The following ZC3H13 variants were observed in gnomAD, a reference collection of about 807,000 sequenced individuals.
ZC3H13 encodes the protein zinc finger CCCH domain-containing protein 13.
ZC3H13 carries 64 observed loss-of-function variants against 204.1 expected under a neutral mutation model. That is an observed-to-expected ratio of 0.31 (90% CI 0.26 to 0.39). The LOEUF (loss-of-function observed/expected upper bound fraction) is 0.39, where lower values mean the gene tolerates loss of function less well. ZC3H13 is among the 10% of genes least tolerant of loss of function. ZC3H13 has a pLI of 1.00. For synonymous variants in ZC3H13, 667 were observed against 693.7 expected (o/e 0.96, Z 0.60); for missense variants, 1,833 against 2,082.7 (o/e 0.88, Z 2.33).
chr13:45,988,300 G>A (rs769937139), intron 9 of ZC3H13, among the ~76,000 whole-genome samples: 11 of 151,972 alleles, frequency 7.2e-5, no homozygotes, highest in Non-Finnish European at 1.0e-4. Context: ...CACTGTTGCC[G>A]AGGCTGGAGT....
intron 7 of ZC3H13, among the ~76,000 whole-genome samples, chr13:46,009,923 A>G (rs1443468686): frequency 2.0e-5 from 3 of 152,288 alleles, no homozygotes; most frequent in East Asian, 1.9e-4. Context: ...AACTAAGGTT[A>G]TATGTATCAA....
chr13:45,972,730 C>G (rs1952688112), intron 12 of ZC3H13, among the ~76,000 whole-genome samples: 1 of 152,184 alleles, frequency 6.6e-6, no homozygotes, highest in African/African-American at 2.4e-5. Context: ...CCTCTCCCAT[C>G]AATAACTGGC....
chr13:45,993,735 T>C (rs1002185301), intron 8 of ZC3H13, among the ~76,000 whole-genome samples: 7 of 152,240 alleles, frequency 4.6e-5, no homozygotes, highest in Non-Finnish European at 7.3e-5. Context: ...TAGCTTGCTA[T>C]TCTTTTGCAG....
chr13:45,997,721 G>A (rs1417646112), intron 8 of ZC3H13, among the ~76,000 whole-genome samples: 1 of 152,016 alleles, frequency 6.6e-6, no homozygotes, highest in African/African-American at 2.4e-5. Context: ...TATGCCATGT[G>A]TATGCACACC....
intron 8 of ZC3H13, among the ~76,000 whole-genome samples, chr13:45,998,054 C>G (rs2040465987): frequency 6.6e-6 from 1 of 152,124 alleles, no homozygotes; most frequent in African/African-American, 2.4e-5. Flanking sequence ...TACTAGTAAA[C>G]AAAACACTAC....
chr13:46,044,868 T>C (rs1265326540), intron 3 of ZC3H13, 87 bp downstream of exon 3: 3 of 880,600 alleles, frequency 3.4e-6, no homozygotes, highest in Non-Finnish European at 4.9e-6. Flanking sequence ...TGACCAAATA[T>C]ATGGTTGTAT....
At chr13:46,025,614 C>T (rs1014115342) in intron 4 of ZC3H13, among the ~76,000 whole-genome samples, 1 of 152,116 alleles carries the variant, frequency 6.6e-6, no homozygotes, top group Non-Finnish European at 1.5e-5. Context: ...CAGGTCTAAC[C>T]TCTCATTTTA....
At chr13:46,017,107 G>A (rs2041955101) in intron 5 of ZC3H13, among the ~76,000 whole-genome samples, 3 of 152,058 alleles carry the variant, frequency 2.0e-5, no homozygotes, top group South Asian at 2.1e-4. Flanking sequence ...GTCACTACAC[G>A]TACGACGTTA....
At chr13:45,965,086 T>C (rs763708281) in intron 16 of ZC3H13, among the ~76,000 whole-genome samples, 194 bp downstream of exon 16, 21 of 152,234 alleles carry the variant, frequency 1.4e-4, no homozygotes, top group Non-Finnish European at 3.1e-4. Context: ...TTCTAATTCA[T>C]AGACAATGCC....
chr13:45,967,533 T>C lies in ZC3H13; in HGVS notation c.4292A>G (p.Asn1431Ser). The stretch of plus-strand genomic sequence containing the variant: ...CAGACTCTCAGTTCTCTCGGATTTA[T>C]TTGTTTCTTCAAATCCCTGCACAGA... ...LGSVQGFEETNKSERTESLEA... is the reference protein window; with the variant it reads ...LGSVQGFEETSKSERTESLEA... The change falls in exon 15 of 19, where the codon AAT (asparagine) becomes AGT (serine). Residue 1431 changes from asparagine to serine, a missense_variant. Physicochemically the swap from Asn to Ser is conservative, Grantham distance 46 (BLOSUM62 1). Transcript: ENST00000679008. 1 of 1,571,402 alleles carries C rather than the reference T, an allele frequency of 6.4e-7. No homozygotes were observed. The highest frequency in any genetic ancestry group is 1.9e-5 in the Admixed American group (1 of 51,534).
chr13:46,034,533 T>C (rs1313562638), intron 4 of ZC3H13, among the ~76,000 whole-genome samples: 1 of 152,132 alleles, frequency 6.6e-6, no homozygotes, highest in Non-Finnish European at 1.5e-5. Flanking sequence ...GACACGATAA[T>C]ATATATGATT....
intron 12 of ZC3H13, among the ~76,000 whole-genome samples, chr13:45,974,903 A>G (rs918534354): frequency 2.4e-4 from 37 of 152,048 alleles, no homozygotes; most frequent in African/African-American, 8.7e-4. Flanking sequence ...CTGGAGTGCA[A>G]TGACATAATC....
At chr13:46,039,857 T>C (rs950957614) in intron 4 of ZC3H13, among the ~76,000 whole-genome samples, 12 of 152,188 alleles carry the variant, frequency 7.9e-5, no homozygotes, top group African/African-American at 2.9e-4. Context: ...GTCAGTGATG[T>C]CTTTGAAAGC....
intron 6 of ZC3H13, among the ~76,000 whole-genome samples, chr13:46,010,876 T>C (rs2041511550): frequency 6.6e-6 from 1 of 152,026 alleles, no homozygotes; most frequent in Admixed American, 6.5e-5. Context: ...GAGAAAGATC[T>C]CATCCCTACA....
intron 8 of ZC3H13, among the ~76,000 whole-genome samples, chr13:46,000,336 T>A (rs1037033473): frequency 6.6e-6 from 1 of 152,208 alleles, no homozygotes; most frequent in Admixed American, 6.5e-5. Flanking sequence ...ACATCAATTA[T>A]CTTATCTAGA....
At chr13:46,015,829 A>G (rs1288932499) in intron 5 of ZC3H13, among the ~76,000 whole-genome samples, 1 of 152,124 alleles carries the variant, frequency 6.6e-6, no homozygotes, top group African/African-American at 2.4e-5. Flanking sequence ...TTCTTTTAAA[A>G]GACTGTTCTG....
chr13:46,041,326 C>CA (rs1393284981), intron 4 of ZC3H13, among the ~76,000 whole-genome samples: 35 of 152,116 alleles, frequency 2.3e-4, no homozygotes, highest in Non-Finnish European at 1.5e-5. Context: ...AAGCTAGTCA[C>CA]AAAAAATCAT....
chr13:45,964,413 G>A (rs1951918546), intron 16 of ZC3H13, among the ~76,000 whole-genome samples: 1 of 152,202 alleles, frequency 6.6e-6, no homozygotes, highest in Non-Finnish European at 1.5e-5. Flanking sequence ...TGTTTGCAGT[G>A]TGTGCACACA....
intron 5 of ZC3H13, among the ~76,000 whole-genome samples, chr13:46,016,704 T>C (rs538826446): frequency 1.3e-5 from 2 of 152,270 alleles, no homozygotes; most frequent in East Asian, 1.9e-4. Flanking sequence ...TGGACACATG[T>C]ATTGTGCATT....
Sources: allele counts gnomAD v4.1 joint callset (sites outside exome capture counted in the v4.1 genomes callset), GRCh38; gene constraint gnomAD v4.1.1; transcripts MANE v1.5; gene names NCBI Gene and HGNC (gene_info 2026-07-23, HGNC 2026-07-21).